Variants in MBNL1 observed in about 807,000 individuals in gnomAD.
The protein encoded by MBNL1 is muscleblind like splicing regulator 1, also known as muscleblind-like protein 1.
A neutral mutation model predicts 42.2 loss-of-function variants in MBNL1; 8 were observed. The ratio of observed to expected loss-of-function variants is 0.19; its 90% confidence interval spans 0.11 to 0.34. The LOEUF (loss-of-function observed/expected upper bound fraction) is 0.34, where lower values mean the gene tolerates loss of function less well. Among genes scored for constraint, MBNL1 ranks in the 10% least tolerant of loss-of-function variants. The pLI is 1.00. For missense variants in MBNL1, 309 were observed against 495.3 expected, an observed-to-expected ratio of 0.62 and a Z score of 3.57; for synonymous variants, 169 against 173.9, an observed-to-expected ratio of 0.97 and a Z score of 0.22.
intron 2 of MBNL1, among the ~76,000 whole-genome samples, chr3:152,374,391 G>GT (rs2096808538): frequency 6.6e-6 from 1 of 152,184 alleles, no homozygotes; most frequent in Non-Finnish European, 1.5e-5. Flanking sequence ...TGGAAAGTAT[G>GT]TATTACTACT....
At chr3:152,410,610 G>A (rs1236301667) in intron 2 of MBNL1, among the ~76,000 whole-genome samples, 1 of 152,146 alleles carries the variant, frequency 6.6e-6, no homozygotes, top group Non-Finnish European at 1.5e-5. Context: ...TATTAGGCTG[G>A]GGCAAAAGTT....
intron 5 of MBNL1, chr3:152,446,865 G>C (rs2099234469): frequency 1.1e-6 from 1 of 921,916 alleles, no homozygotes; most frequent in Non-Finnish European, 1.6e-6. Context: ...TTATAGAGTT[G>C]TAAAGTACAA....
chr3:152,338,085 G>A, intron 2 of MBNL1: 1 of 954,968 alleles, frequency 1.0e-6, no homozygotes, highest in Non-Finnish European at 1.2e-6. Flanking sequence ...CCGTAGGCAT[G>A]CTATAATATG....
At chr3:152,392,647 C>T (rs1318570089) in intron 2 of MBNL1, among the ~76,000 whole-genome samples, 1 of 152,178 alleles carries the variant, frequency 6.6e-6, no homozygotes, top group Non-Finnish European at 1.5e-5. Flanking sequence ...TTTTTATCCT[C>T]TTTGGCAAAA....
At chr3:152,429,677 C>G (rs962830119) in intron 3 of MBNL1, among the ~76,000 whole-genome samples, 1 of 152,138 alleles carries the variant, frequency 6.6e-6, no homozygotes, top group African/African-American at 2.4e-5. Context: ...AGGGCACTCT[C>G]TGATGGGGCT....
chr3:152,353,453 A>G (rs1370676161), intron 2 of MBNL1, among the ~76,000 whole-genome samples: 1 of 152,212 alleles, frequency 6.6e-6, no homozygotes, highest in Non-Finnish European at 1.5e-5. Context: ...AATAGTGCGT[A>G]GGAATTGACC....
chr3:152,435,957 G>T (rs1302035735), intron 4 of MBNL1, among the ~76,000 whole-genome samples: 4 of 152,034 alleles, frequency 2.6e-5, no homozygotes, highest in African/African-American at 9.7e-5. Flanking sequence ...AGACTATGGG[G>T]TTTTCTAAAT....
At chr3:152,379,411 A>G (rs2097081195) in intron 2 of MBNL1, among the ~76,000 whole-genome samples, 1 of 152,218 alleles carries the variant, frequency 6.6e-6, no homozygotes. Flanking sequence ...TATTAAAACT[A>G]TTTTAGCCTT....
chr3:152,452,296 C>T (rs1462961657), intron 6 of MBNL1, among the ~76,000 whole-genome samples: 2 of 152,118 alleles, frequency 1.3e-5, no homozygotes, highest in East Asian at 3.8e-4. Flanking sequence ...TACACCATTT[C>T]TTTTTTCGTT....
At chr3:152,272,476 G>C (rs1189066472) in intron 1 of MBNL1, among the ~76,000 whole-genome samples, 1 of 151,860 alleles carries the variant, frequency 6.6e-6, no homozygotes, top group Non-Finnish European at 1.5e-5. Context: ...AAACATAAAC[G>C]AGTCACTAAA....
chr3:152,415,781 ACT>A (rs1402997551), intron 3 of MBNL1, among the ~76,000 whole-genome samples: 1 of 151,958 alleles, frequency 6.6e-6, no homozygotes, highest in African/African-American at 2.4e-5. Context: ...TATGTGGGTG[ACT>A]CTTGCTTTGA....
At chr3:152,389,389 C>T (rs781591153) in intron 2 of MBNL1, among the ~76,000 whole-genome samples, 1 of 152,184 alleles carries the variant, frequency 6.6e-6, no homozygotes, top group Non-Finnish European at 1.5e-5. Flanking sequence ...GCATGAGCCA[C>T]AGTGCCTGGC....
chr3:152,410,440 GAAAA>G (rs997591327), intron 2 of MBNL1, among the ~76,000 whole-genome samples: 1 of 152,146 alleles, frequency 6.6e-6, no homozygotes, highest in Admixed American at 6.5e-5. Flanking sequence ...GAAAAGTACA[GAAAA>G]AATATTACAA....
chr3:152,409,299 A>G (rs1047073849), intron 2 of MBNL1, among the ~76,000 whole-genome samples: 3 of 152,082 alleles, frequency 2.0e-5, no homozygotes, highest in African/African-American at 7.2e-5. Context: ...ATATACGTGT[A>G]TGTGTTTGTG....
intron 3 of MBNL1, among the ~76,000 whole-genome samples, chr3:152,419,705 GTT>G (rs2098768828): frequency 6.6e-6 from 1 of 151,786 alleles, no homozygotes; most frequent in African/African-American, 2.4e-5. Flanking sequence ...TTGTTTGTTT[GTT>G]TGTTTGTTTG....
At chr3:152,281,471 C>T (rs1226318867) in intron 1 of MBNL1, among the ~76,000 whole-genome samples, 1 of 151,968 alleles carries the variant, frequency 6.6e-6, no homozygotes, top group African/African-American at 2.4e-5. Flanking sequence ...ATGGAATGGA[C>T]TTTGAAGTTT....
chr3:152,356,957 A>G (rs1436807218), intron 2 of MBNL1, among the ~76,000 whole-genome samples: 1 of 151,822 alleles, frequency 6.6e-6, no homozygotes, highest in Non-Finnish European at 1.5e-5. Flanking sequence ...ATAATATCAA[A>G]TGTGGTGGGT....
intron 1 of MBNL1, among the ~76,000 whole-genome samples, chr3:152,291,791 T>C (rs1433925833): frequency 1.3e-5 from 2 of 152,144 alleles, no homozygotes; most frequent in Non-Finnish European, 2.9e-5. Flanking sequence ...TTTGTTTTGT[T>C]TTTTAGACGA....
intron 2 of MBNL1, among the ~76,000 whole-genome samples, chr3:152,319,604 G>A (rs949865645): frequency 1.8e-5 from 2 of 110,370 alleles, no homozygotes; most frequent in African/African-American, 6.9e-5. Context: ...TGGCATTAAA[G>A]TTCTATACTG....
Sources: allele counts gnomAD v4.1 joint callset (sites outside exome capture counted in the v4.1 genomes callset), GRCh38; gene constraint gnomAD v4.1.1; transcripts MANE v1.5; gene names NCBI Gene and HGNC (gene_info 2026-07-23, HGNC 2026-07-21).